TRAPPC8: variants seen among roughly 807,000 people sequenced by gnomAD.
TRAPPC8 encodes the protein trafficking protein particle complex subunit 8, also known as general sporulation gene 1 homolog.
A neutral mutation model predicts 174.3 loss-of-function variants in TRAPPC8; 54 were observed. That is an observed-to-expected ratio of 0.31 (90% CI 0.25 to 0.39). The LOEUF is 0.39. TRAPPC8 is among the 10% of genes least tolerant of loss of function. TRAPPC8 has a pLI of 1.00. For missense variants in TRAPPC8, 1,531 were observed against 1,699.1 expected, an observed-to-expected ratio of 0.90 and a Z score of 1.74; for synonymous variants, 630 against 579.9, an observed-to-expected ratio of 1.09 and a Z score of -1.24.
chr18:31,833,556 A>G (rs1334608611), intron 27 of TRAPPC8: 3 of 152,178 alleles, frequency 2.0e-5, no homozygotes, highest in Non-Finnish European at 4.4e-5. Context: ...TTACTGCAAG[A>G]GCCTCTTAAT....
chr18:31,927,315 T>A (rs1365422430), intron 2 of TRAPPC8, among the ~76,000 whole-genome samples: 1 of 151,888 alleles, frequency 6.6e-6, no homozygotes, highest in South Asian at 2.1e-4. Flanking sequence ...CAGGCTGGAG[T>A]GCAGTGGCGT....
chr18:31,919,560 AT>A (rs1258389323), intron 2 of TRAPPC8, among the ~76,000 whole-genome samples: 3 of 125,994 alleles, frequency 2.4e-5, no homozygotes, highest in Admixed American at 9.6e-5. Flanking sequence ...AAATAAATAA[AT>A]AAATAAATAA....
Position 31,913,408 on chromosome 18 carries a change from A to G in TRAPPC8, c.732T>C (p.Pro244=). The G allele has an allele frequency of 6.3e-7, 1 of 1,599,600 alleles. No homozygotes were observed. ...NRASDEQIPD[P]WSQYLQKNSI... ...TATTTTTCTGGAGATACTGACTCCA[A>G]GGATCTGGTATCTGTTCATCTGATG... The change falls in exon 5 of 29, where the codon CCT becomes CCC. Residue 244 remains proline, a synonymous_variant. Transcript: ENST00000283351.
At chr18:31,839,262 A>T in intron 27 of TRAPPC8, 50 bp downstream of exon 27, 1 of 1,544,058 alleles carries the variant, frequency 6.5e-7, no homozygotes, top group Non-Finnish European at 8.8e-7. Flanking sequence ...AAACAAATAC[A>T]CGTGCCAGTG....
At chr18:31,942,473 G>C in intron 1 of TRAPPC8, 135 bp downstream of exon 1, 1 of 1,210,738 alleles carries the variant, frequency 8.3e-7, no homozygotes, top group Non-Finnish European at 1.1e-6. Context: ...GAGCACCGCG[G>C]GGCCACAGCC....
At chr18:31,919,591 A>AT (rs1463991799) in intron 2 of TRAPPC8, among the ~76,000 whole-genome samples, 3 of 64,994 alleles carry the variant, frequency 4.6e-5, no homozygotes, top group Non-Finnish European at 1.1e-4. Flanking sequence ...TAAATAAATA[A>AT]AATAATAATA....
At chr18:31,833,779 G>C (rs1463799496) in intron 27 of TRAPPC8, among the ~76,000 whole-genome samples, 1 of 151,926 alleles carries the variant, frequency 6.6e-6, no homozygotes, top group Non-Finnish European at 1.5e-5. Context: ...CGAGGCGGGC[G>C]GATCACAAGG....
intron 19 of TRAPPC8, among the ~76,000 whole-genome samples, chr18:31,859,664 C>G (rs563254500): frequency 1.3e-5 from 2 of 152,164 alleles, no homozygotes; most frequent in Non-Finnish European, 2.9e-5. Flanking sequence ...CTAGTGGTAC[C>G]AACTATGTAT....
chr18:31,924,315 GT>G (rs1568143026), intron 2 of TRAPPC8, among the ~76,000 whole-genome samples: 3 of 151,438 alleles, frequency 2.0e-5, no homozygotes, highest in Admixed American at 1.3e-4. Context: ...TTAGTTGGGC[GT>G]CGTGGTGGGC....
At chr18:31,857,449 T>C in intron 20 of TRAPPC8, 91 bp downstream of exon 20, 1 of 1,091,230 alleles carries the variant, frequency 9.2e-7, no homozygotes, top group Non-Finnish European at 1.3e-6. Flanking sequence ...AGTAATTTCT[T>C]AACATGTTAG....
rs758717516 is a variant in TRAPPC8, at chr18:31,942,612, G to T, written c.153C>A (p.Ser51=). The change falls in exon 1 of 29, where the codon TCC becomes TCA. Residue 51 remains serine (S), a synonymous_variant. Coordinates refer to ENST00000283351, the MANE Select transcript of TRAPPC8 (RefSeq NM_014939.5). ...ELLKPFSRLT[S]EVHMRDPNNQ... is the part of the protein sequence containing the mutation. ...AAAAGGGAGGATACCACATACCCTC[G>T]GAAGTGAGGCGGGAGAAGGGCTTAA... 24 of 1,601,976 alleles carry T rather than the reference G, an allele frequency of 1.5e-5. No homozygotes were observed. Among genetic ancestry groups the T allele is most frequent in the Middle Eastern group, 3.3e-4 (2 of 6,002 alleles).
At position 31,860,358 on chromosome 18, in the gene TRAPPC8, G is replaced by C. The variant is rs142416311; in HGVS notation, c.2746-2376C>G. On this transcript the variant is annotated intron_variant, in intron 19 of 28. Coordinates refer to ENST00000283351, the MANE Select transcript of TRAPPC8 (RefSeq NM_014939.5). ...CTACATGTTAAAATTATTCCTAACA[G>C]AAACAATTGTATTAAAAAAAAAAGA... Among the ~76,000 whole-genome samples, 816 of 151,756 alleles carry C rather than the reference G, an allele frequency of 5.4e-3. 5 individuals carry two copies. Among genetic ancestry groups the C allele is most frequent in the Non-Finnish European group, 6.4e-3 (434 of 67,930 alleles).
At chr18:31,906,821 C>A (rs776236412) in intron 9 of TRAPPC8, among the ~76,000 whole-genome samples, 11 of 152,146 alleles carry the variant, frequency 7.2e-5, no homozygotes, top group Non-Finnish European at 1.2e-4. Context: ...TATACTTTAT[C>A]TGATCCTATA....
chr18:31,830,305 A>G lies in TRAPPC8; in HGVS notation c.*450T>C, dbSNP rs1363312850. ...AAACTGATTTTAAGGAACTGTGTGA[A>G]GCAAGACAGGAAAATTTGTATTTAA... On this transcript the variant is annotated 3_prime_UTR_variant, in exon 29 of 29. Transcript: ENST00000283351. 6.5e-6 allele frequency: 1 copy of G among 154,174 alleles called. No individual in the cohort carries two copies. The highest frequency in any genetic ancestry group is 1.4e-5 in the Non-Finnish European group (1 of 69,190). 9.6% of individuals were successfully genotyped at this position (154,174 alleles called of 1,614,324 possible).
intron 13 of TRAPPC8, chr18:31,873,874 A>G: frequency 4.7e-6 from 1 of 212,914 alleles, no homozygotes; most frequent in Non-Finnish European, 9.4e-6. Flanking sequence ...TCAAATTAAT[A>G]AAGTCTAGAC....
chr18:31,938,245 G>C (rs943524293), intron 1 of TRAPPC8, among the ~76,000 whole-genome samples: 5 of 151,896 alleles, frequency 3.3e-5, no homozygotes, highest in African/African-American at 1.2e-4. Flanking sequence ...ATGGCCAGTG[G>C]AAATTCTTTG....
At position 31,907,520 on chromosome 18, in the gene TRAPPC8, A is replaced by G. The variant is rs772835101; in HGVS notation, c.1329T>C (p.Tyr443=). Reference sequence around the variant, plus strand: ...TAAGAAAATCTTTCTTTGCAGTATGATAGCAACTGTAAGCCAAATCATAAT... The same window carrying G: ...TAAGAAAATCTTTCTTTGCAGTATGGTAGCAACTGTAAGCCAAATCATAAT... ...VQHYDLAYSC[Y]HTAKKDFLND... Residue 443 remains tyrosine, a synonymous_variant, in exon 9 of 29, where the codon TAT becomes TAC. Coordinates refer to ENST00000283351, the MANE Select transcript of TRAPPC8 (RefSeq NM_014939.5). The G allele has an allele frequency of 1.2e-6, 2 of 1,609,990 alleles. No individual in the cohort carries two copies. The highest frequency in any genetic ancestry group is 1.7e-6 in the Non-Finnish European group (2 of 1,177,598).
At chr18:31,932,028 G>C (rs1259257494) in intron 1 of TRAPPC8, among the ~76,000 whole-genome samples, 1 of 152,118 alleles carries the variant, frequency 6.6e-6, no homozygotes, top group Admixed American at 6.6e-5. Context: ...CGATGCTGTG[G>C]TGGAGGCTGT....
intron 5 of TRAPPC8, among the ~76,000 whole-genome samples, chr18:31,912,368 G>A (rs997832172): frequency 1.3e-5 from 2 of 152,160 alleles, no homozygotes; most frequent in African/African-American, 2.4e-5. Context: ...GTGTGCGCCT[G>A]TAGTCCCACC....
Sources: gnomAD v4.1 joint callset for allele counts (sites outside exome capture counted in the v4.1 genomes callset) on GRCh38, gnomAD v4.1.1 for gene constraint, MANE v1.5 for transcripts, NCBI Gene and HGNC (gene_info 2026-07-23, HGNC 2026-07-21) for gene names.